FMN1: variants seen among roughly 807,000 people sequenced by gnomAD.
FMN1 encodes the protein formin 1, also known as formin-1.
FMN1 carries 110 observed loss-of-function variants against 132.4 expected under a neutral mutation model. The observed-to-expected ratio is 0.83, with a 90% confidence interval of 0.71 to 0.97. The LOEUF (loss-of-function observed/expected upper bound fraction) is 0.97, where lower values mean the gene tolerates loss of function less well. Ranked by LOEUF, FMN1 falls within the 50% of genes least tolerant of loss-of-function variation. FMN1 has a pLI of 0.00. For missense variants in FMN1, 1,792 were observed against 1,705.3 expected (o/e 1.05, Z -0.90); for synonymous variants, 722 against 651.7 (o/e 1.11, Z -1.64).
intron 17 of FMN1, among the ~76,000 whole-genome samples, chr15:32,812,027 C>CAAAA (rs1386706960): frequency 5.3e-5 from 8 of 151,690 alleles, no homozygotes; most frequent in South Asian, 2.1e-4. Context: ...AACAAACAAA[C>CAAAA]AAACAAACAA....
chr15:33,046,009 A>T (rs1297520812), intron 6 of FMN1, among the ~76,000 whole-genome samples: 2 of 152,232 alleles, frequency 1.3e-5, no homozygotes, highest in Non-Finnish European at 2.9e-5. Context: ...GAAATAATAA[A>T]AGATTCATGG....
At chr15:33,128,309 G>C (rs1019312712) in intron 4 of FMN1, among the ~76,000 whole-genome samples, 10 of 152,258 alleles carry the variant, frequency 6.6e-5, no homozygotes, top group South Asian at 2.1e-4. Context: ...CTGCTGACTA[G>C]GCCCGACCAT....
At chr15:32,897,139 G>A (rs2060179451) in intron 15 of FMN1, among the ~76,000 whole-genome samples, 1 of 151,856 alleles carries the variant, frequency 6.6e-6, no homozygotes, top group African/African-American at 2.4e-5. Context: ...AAGGCATGAT[G>A]GGCTATCTCA....
At chr15:33,133,288 C>A (rs930572018) in intron 4 of FMN1, among the ~76,000 whole-genome samples, 1 of 152,186 alleles carries the variant, frequency 6.6e-6, no homozygotes, top group Admixed American at 6.5e-5. Flanking sequence ...GACTTGGTCT[C>A]TAGTCCCAGT....
At chr15:33,175,106 G>A (rs977260333) in intron 3 of FMN1, among the ~76,000 whole-genome samples, 10 of 152,008 alleles carry the variant, frequency 6.6e-5, no homozygotes, top group African/African-American at 2.4e-4. Flanking sequence ...GCTCACTGCA[G>A]CCTTGACATC....
rs2056018930 is a variant in FMN1 at position 32,765,590 on chromosome 15, A to G, written c.*8720T>C. The G allele has an allele frequency of 6.6e-6, 1 of 151,804 alleles. No individual in the cohort carries two copies. 9.4% of individuals were successfully genotyped at this position (151,804 alleles called of 1,614,324 possible). ...TTAAAATACCCTTAGCATATTTACA[A>G]TTGAAAGCCATGAATGCAATTCTCT... is the stretch of plus-strand genomic sequence containing the variant. On this transcript the variant is annotated 3_prime_UTR_variant, in exon 21 of 21. Coordinates refer to ENST00000616417, the MANE Select transcript of FMN1 (RefSeq NM_001277313.2).
At chr15:32,926,083 A>G in intron 10 of FMN1, 91 bp downstream of exon 10, 2 of 732,958 alleles carry the variant, frequency 2.7e-6, no homozygotes, top group Non-Finnish European at 4.6e-6. Context: ...TCATTAGGGC[A>G]TTCTAACTTT....
At chr15:32,888,455 G>C (rs2059946501) in intron 15 of FMN1, among the ~76,000 whole-genome samples, 163 bp from the exon 16 acceptor site, 1 of 152,162 alleles carries the variant, frequency 6.6e-6, no homozygotes, top group Non-Finnish European at 1.5e-5. Flanking sequence ...TTGTGACTTT[G>C]AAGTGCTTTC....
At chr15:32,993,972 A>T (rs2033605770) in intron 7 of FMN1, among the ~76,000 whole-genome samples, 1 of 152,044 alleles carries the variant, frequency 6.6e-6, no homozygotes, top group African/African-American at 2.4e-5. Context: ...GCTCAGAATT[A>T]GTCAGTAGAT....
intron 10 of FMN1, among the ~76,000 whole-genome samples, chr15:32,922,356 C>G (rs1175469630): frequency 1.3e-5 from 2 of 152,184 alleles, no homozygotes; most frequent in Non-Finnish European, 2.9e-5. Flanking sequence ...TCAACGAACA[C>G]TTGAATATAT....
At chr15:32,851,578 A>G (rs1431377172) in intron 17 of FMN1, among the ~76,000 whole-genome samples, 12 of 152,238 alleles carry the variant, frequency 7.9e-5, no homozygotes, top group Non-Finnish European at 1.5e-4. Flanking sequence ...AAAGACACGT[A>G]AGAAAAAAGG....
At chr15:33,067,106 G>A (rs776004854) in intron 5 of FMN1, 3 of 1,613,998 alleles carry the variant, frequency 1.9e-6, no homozygotes, top group East Asian at 2.2e-5. Context: ...TTTTTTAGAA[G>A]AGGCACTCTC....
At chr15:33,141,740 A>C (rs1595559251) in intron 4 of FMN1, among the ~76,000 whole-genome samples, 1 of 151,578 alleles carries the variant, frequency 6.6e-6, no homozygotes, top group African/African-American at 2.4e-5. Context: ...TCTTGGGAGT[A>C]CCTCCCCCCT....
rs1385856280 is a variant in FMN1 at position 33,154,076 on chromosome 15, C to T, written c.839G>A (p.Gly280Asp). Residue 280 changes from glycine to aspartate, a missense_variant, in exon 4 of 21, where the codon GGC becomes GAC. Around this residue, in one of 3 missense-constraint regions of FMN1, gnomAD observed 638 missense variants for 645.2 expected, o/e 0.99. Coordinates refer to ENST00000616417, the MANE Select transcript of FMN1 (RefSeq NM_001277313.2). The stretch of plus-strand genomic sequence containing the variant: ...CAGCCCGCTCGGCGGCCTCCGAATG[C>T]CATCCCCTCCTGCCTCTGTGGAGCT... Reference protein sequence around the residue: ...DCSSTEAGGDGIRRPPSGLEH... With the variant: ...DCSSTEAGGDDIRRPPSGLEH... 28 of 1,535,956 alleles carry T rather than the reference C, an allele frequency of 1.8e-5. No individual in the cohort carries two copies. The highest frequency in any genetic ancestry group is 2.2e-5 in the Non-Finnish European group (25 of 1,146,826).
At chr15:32,831,359 A>G (rs898929750) in intron 17 of FMN1, among the ~76,000 whole-genome samples, 1 of 152,152 alleles carries the variant, frequency 6.6e-6, no homozygotes, top group Admixed American at 6.5e-5. Context: ...CTGGGAATAC[A>G]GGCACCTGGC....
intron 9 of FMN1, among the ~76,000 whole-genome samples, chr15:32,928,936 A>G (rs1380542288): frequency 2.6e-5 from 4 of 152,352 alleles, no homozygotes; most frequent in South Asian, 4.1e-4. Flanking sequence ...AGCAAGAAAG[A>G]TATTGATTCT....
At chr15:33,069,616 A>G (rs559777231) in intron 5 of FMN1, among the ~76,000 whole-genome samples, 1 of 152,346 alleles carries the variant, frequency 6.6e-6, no homozygotes, top group Non-Finnish European at 1.5e-5. Context: ...CTAAGCATCA[A>G]TACTGAGAAA....
At chr15:33,047,706 C>T (rs2036753481) in intron 6 of FMN1, among the ~76,000 whole-genome samples, 1 of 152,204 alleles carries the variant, frequency 6.6e-6, no homozygotes, top group Non-Finnish European at 1.5e-5. Context: ...GGGAGATGGG[C>T]TGACTCCCTC....
intron 5 of FMN1, chr15:33,066,587 T>A: frequency 6.2e-7 from 1 of 1,613,214 alleles, no homozygotes; most frequent in Non-Finnish European, 8.5e-7. Flanking sequence ...CTCCTTCTCA[T>A]GTCTCATCTT....
Sources: allele counts gnomAD v4.1 joint callset (sites outside exome capture counted in the v4.1 genomes callset), GRCh38; gene constraint gnomAD v4.1.1; regional missense constraint gnomAD v4.1.1; transcripts MANE v1.5; gene names NCBI Gene and HGNC (gene_info 2026-07-23, HGNC 2026-07-21).